ST18: variants seen among roughly 807,000 people sequenced by gnomAD.
The protein encoded by ST18 is ST18 C2H2C-type zinc finger transcription factor, also known as suppression of tumorigenicity 18 protein.
In ST18, 50 loss-of-function variants were observed where a neutral mutation model predicts 110.0. The observed-to-expected ratio is 0.45, with a 90% CI of 0.36 to 0.58. The LOEUF (loss-of-function observed/expected upper bound fraction) is 0.58. ST18 is among the 20% of genes least tolerant of loss of function. The pLI, the probability that ST18 is intolerant of heterozygous loss-of-function variation, is 0.00. For missense variants in ST18, 1,306 were observed against 1,280.1 expected (o/e 1.02, Z -0.31); for synonymous variants, 461 against 452.4 (o/e 1.02, Z -0.24).
chr8:52,341,022 G>A (rs1814725781), intron 2 of ST18, among the ~76,000 whole-genome samples: 2 of 152,236 alleles, frequency 1.3e-5, no homozygotes, highest in African/African-American at 4.8e-5. Flanking sequence ...AATGAGATTG[G>A]CAGTTACCCT....
intron 8 of ST18, among the ~76,000 whole-genome samples, chr8:52,204,187 T>G (rs1442027433): frequency 6.6e-6 from 1 of 152,210 alleles, no homozygotes; most frequent in African/African-American, 2.4e-5. Flanking sequence ...GCTGCTTGTC[T>G]TCAAGTAGAA....
At chr8:52,408,021 G>C (rs888160774) in intron 2 of ST18, 1 of 151,970 alleles carries the variant, frequency 6.6e-6, no homozygotes, top group African/African-American at 2.4e-5. Context: ...CTTTTATTTC[G>C]TGTTGGAAAT....
chr8:52,334,049 AT>A (rs1810907165), intron 2 of ST18, among the ~76,000 whole-genome samples: 1 of 152,224 alleles, frequency 6.6e-6, no homozygotes, highest in African/African-American at 2.4e-5. Context: ...AGACGAGGTG[AT>A]AAAAATGCAG....
chr8:52,378,037 A>G (rs1488290900), intron 2 of ST18, among the ~76,000 whole-genome samples: 1 of 152,214 alleles, frequency 6.6e-6, no homozygotes, highest in Non-Finnish European at 1.5e-5. Context: ...GTACTCACTT[A>G]TTCGTGGGAG....
rs537760889 is a variant in ST18, at chr8:52,138,686, T to C, written c.2169-1203A>G. Among the ~76,000 whole-genome samples, 6 of 152,370 alleles carry C rather than the reference T, an allele frequency of 3.9e-5. No individual in the cohort carries two copies. In the South Asian group the frequency reaches 1.0e-3, roughly 26 times the overall value. ...TTCTCAGTCATTTAGTTTCCTCTGA[T>C]GGTGTTTGAAAGTCACTCATTTGTA... is the stretch of plus-strand genomic sequence containing the variant. On this transcript the variant is annotated intron_variant, in intron 17 of 25. Transcript: ENST00000689386.
At chr8:52,385,126 C>T (rs979675497) in intron 2 of ST18, among the ~76,000 whole-genome samples, 4 of 152,138 alleles carry the variant, frequency 2.6e-5, no homozygotes, top group Admixed American at 6.5e-5. Flanking sequence ...GAATAATTGA[C>T]ATCTAAGGTT....
At position 52,190,582 on chromosome 8, in the gene ST18, A is replaced by G. The variant is rs547834452; in HGVS notation, c.87-10270T>C. On this transcript the variant is annotated intron_variant, in intron 8 of 25. Transcript: ENST00000689386. ...AAATGCATGTTTTGCAGTCCCTGAC[A>G]TGGTAAATGTGTTCTTTTCCATCTC... Among the ~76,000 whole-genome samples, 302 of 152,318 alleles carry G rather than the reference A, an allele frequency of 2.0e-3. 2 individuals are homozygous for G. Among genetic ancestry groups the G allele is most frequent in the Admixed American group, 3.9e-3 (59 of 15,292 alleles).
chr8:52,168,734 A>G (rs1563823676), intron 10 of ST18, among the ~76,000 whole-genome samples: 1 of 152,160 alleles, frequency 6.6e-6, no homozygotes, highest in Admixed American at 6.5e-5. Flanking sequence ...TGCATTTCGT[A>G]ATAGACAAAT....
At chr8:52,234,514 T>G (rs954833894) in intron 2 of ST18, among the ~76,000 whole-genome samples, 1 of 152,064 alleles carries the variant, frequency 6.6e-6, no homozygotes, top group Non-Finnish European at 1.5e-5. Context: ...CCATCCGCCT[T>G]GGCCTCCCAA....
intron 14 of ST18, among the ~76,000 whole-genome samples, chr8:52,160,906 T>C (rs566633930): frequency 6.6e-6 from 1 of 152,340 alleles, no homozygotes; most frequent in East Asian, 1.9e-4. Context: ...TTCTTAGACT[T>C]CTCACCTTCC....
In ST18 at chr8:52,149,115, C is replaced by T. The variant is rs940927569; in HGVS notation, c.2052+617G>A. 6.6e-5 allele frequency among the ~76,000 whole-genome samples: 10 copies of T among 152,186 alleles called. No individual in the cohort carries two copies. The South Asian group carries it at 8.3e-4, about 13-fold the overall frequency. ...TAGTCAGGTGGCTCAAGCCATAAGG[C>T]GAAGGTTAGATGAATTCCTGCACTG... is the stretch of plus-strand genomic sequence containing the variant. On this transcript the variant is annotated intron_variant, in intron 16 of 25. Transcript: ENST00000689386.
At chr8:52,202,541 A>G (rs2078373008) in intron 8 of ST18, among the ~76,000 whole-genome samples, 1 of 152,244 alleles carries the variant, frequency 6.6e-6, no homozygotes, top group Non-Finnish European at 1.5e-5. Context: ...ATGACAAAAC[A>G]GCTACAATTC....
At chr8:52,343,716 C>T (rs1228528440) in intron 2 of ST18, among the ~76,000 whole-genome samples, 1 of 152,160 alleles carries the variant, frequency 6.6e-6, no homozygotes, top group African/African-American at 2.4e-5. Context: ...ACTCAGCAAG[C>T]TAAGAAGCTA....
intron 2 of ST18, among the ~76,000 whole-genome samples, chr8:52,257,829 GGTGTCATA>G (rs78782920): frequency 0.12 from 18,171 of 151,880 alleles, 1,433 homozygotes; most frequent in Middle Eastern, 0.23. Context: ...TTTGTGCTTT[GGTGTCATA>G]GCTAAGAAAC....
chr8:52,120,988 A>G (rs1267979941), intron 23 of ST18, among the ~76,000 whole-genome samples: 1 of 152,190 alleles, frequency 6.6e-6, no homozygotes, highest in East Asian at 1.9e-4. Context: ...CTGCCAGAGC[A>G]GGTGGGTAAC....
chr8:52,362,175 C>G (rs1164835507), intron 2 of ST18, among the ~76,000 whole-genome samples: 1 of 152,184 alleles, frequency 6.6e-6, no homozygotes, highest in Non-Finnish European at 1.5e-5. Context: ...TTAATGGTCA[C>G]TTTTACAAAT....
In ST18 at chr8:52,159,009, T is replaced by C. The variant is rs565914881; in HGVS notation, c.1695A>G (p.Gln565=). ...CTGCTATGTGGGTGTCTTCACTACA[T>C]TGACCGTAGCTATAAGAGCTGGCAC... ...PGRASSYSYG[Q]CSEDTHIAAA... The change falls in exon 15 of 26, where the codon CAA becomes CAG. Residue 565 remains glutamine (Q), a synonymous_variant. Transcript: ENST00000689386. 4.1e-4 allele frequency: 662 copies of C among 1,614,134 alleles called. 6 individuals are homozygous for C. In the South Asian group the frequency reaches 6.4e-3, roughly 16 times the overall value.
chr8:52,363,906 C>A (rs575235249), intron 2 of ST18, among the ~76,000 whole-genome samples: 4 of 152,144 alleles, frequency 2.6e-5, no homozygotes, highest in African/African-American at 9.6e-5. Flanking sequence ...ATGTCTCTGG[C>A]AAGATTATTC....
At chr8:52,114,837 G>T (rs184736396) in intron 25 of ST18, among the ~76,000 whole-genome samples, 1 of 152,150 alleles carries the variant, frequency 6.6e-6, no homozygotes, top group South Asian at 2.1e-4. Flanking sequence ...TGGTGCTTTC[G>T]TAACATTTTG....
Sources: gnomAD v4.1 joint callset for allele counts (sites outside exome capture counted in the v4.1 genomes callset) on GRCh38, gnomAD v4.1.1 for gene constraint, MANE v1.5 for transcripts, NCBI Gene and HGNC (gene_info 2026-07-23, HGNC 2026-07-21) for gene names.